The following MXI1 variants were observed in gnomAD, a reference collection of about 807,000 sequenced individuals.
MXI1 encodes the protein MAX interactor 1, dimerization protein.
A neutral mutation model predicts 36.9 loss-of-function variants in MXI1; 18 were observed. The ratio of observed to expected loss-of-function variants is 0.49; its 90% confidence interval spans 0.34 to 0.72. MXI1 has a LOEUF of 0.72. Ranked by LOEUF, MXI1 falls within the 30% of genes least tolerant of loss-of-function variation. The pLI is 0.01. For missense variants in MXI1, 304 were observed against 379.1 expected (o/e 0.80, Z 1.64); for synonymous variants, 160 against 146.7 (o/e 1.09, Z -0.65).
At chr10:110,243,172 T>G (rs905881354) in intron 2 of MXI1, among the ~76,000 whole-genome samples, 9 of 152,072 alleles carry the variant, frequency 5.9e-5, no homozygotes, top group African/African-American at 2.2e-4. Context: ...GTGGTTATAA[T>G]TTATTGAATT....
chr10:110,215,031 G>GTTTTTGTTTTTT (rs1854599034), intron 1 of MXI1, among the ~76,000 whole-genome samples: 1 of 98,150 alleles, frequency 1.0e-5, no homozygotes, highest in African/African-American at 5.4e-5. Context: ...CTCCACTTCA[G>GTTTTTGTTTTTT]TTTTTTTTTT....
chr10:110,213,779 C>G (rs1854563894), intron 1 of MXI1, among the ~76,000 whole-genome samples: 1 of 152,252 alleles, frequency 6.6e-6, no homozygotes, highest in Non-Finnish European at 1.5e-5. Context: ...CAGTCTCCCA[C>G]TGACACATCC....
At position 110,279,953 on chromosome 10, in the gene MXI1, G is replaced by C; in HGVS notation, c.592G>C (p.Glu198Gln). The change falls in exon 5 of 6, where the codon GAG (glutamate) becomes CAG (glutamine). Residue 198 changes from glutamate (E) to glutamine (Q), a missense_variant. This residue lies in a region of MXI1 where 125 missense variants were observed against 194.3 expected (regional missense o/e 0.64). Transcript: ENST00000332674. ...TGAAAGAAAAAGCCAGCACCAGCTCGAGAATTTGGAACGAGAACAGAGATT... is the reference window on the plus strand; with the variant it reads ...TGAAAGAAAAAGCCAGCACCAGCTCCAGAATTTGGAACGAGAACAGAGATT... ...EAERKSQHQL[E>Q]NLEREQRFLK... The C allele has an allele frequency of 1.2e-6, 2 of 1,611,658 alleles. No individual in the cohort carries two copies. The highest frequency in any genetic ancestry group is 1.7e-6 in the Non-Finnish European group (2 of 1,179,154).
chr10:110,228,342 A>G, intron 2 of MXI1, 21 bp downstream of exon 2: 1 of 1,613,946 alleles, frequency 6.2e-7, no homozygotes, highest in Non-Finnish European at 8.5e-7. Flanking sequence ...GGGAACGCTT[A>G]GAAGAGGGAA....
intron 1 of MXI1, among the ~76,000 whole-genome samples, chr10:110,215,043 G>GTTTTTTTT (rs200181611): frequency 2.5e-5 from 2 of 78,892 alleles, no homozygotes; most frequent in African/African-American, 6.0e-5. Flanking sequence ...TTTTTTTTTT[G>GTTTTTTTT]TTTTTTTTTT....
In MXI1 at chr10:110,286,075, C is replaced by T. The variant is rs1464453605; in HGVS notation, c.*1088C>T. On this transcript the variant is annotated 3_prime_UTR_variant, in exon 6 of 6. Coordinates refer to ENST00000332674, the MANE Select transcript of MXI1 (RefSeq NM_130439.3). The stretch of plus-strand genomic sequence containing the variant: ...TTATAGTGCACAAAATGAATGAGGT[C>T]TGGGCTAGGTAGAAAAAGGGTCAAT... 1 of 152,558 alleles carries T rather than the reference C, an allele frequency of 6.6e-6. No homozygotes were observed. The highest frequency in any genetic ancestry group is 1.5e-5 in the Non-Finnish European group (1 of 68,024). The allele number at this position is 152,558 out of a possible 1,614,324, so 9.5% of individuals were successfully genotyped here. A position where few individuals can be genotyped will look rare whatever the true frequency, so the allele number is the denominator to read the frequency against.
chr10:110,250,829 CAAAAA>C (rs113320766), intron 3 of MXI1, among the ~76,000 whole-genome samples: 1 of 101,692 alleles, frequency 9.8e-6, no homozygotes, highest in Non-Finnish European at 2.1e-5. Context: ...AAGACTTTGT[CAAAAA>C]AAAAAAAAAA....
At chr10:110,284,802 T>TTCC in intron 5 of MXI1, 22 bp from the exon 6 acceptor site, 1 of 1,110,500 alleles carries the variant, frequency 9.0e-7, no homozygotes, top group Non-Finnish European at 1.2e-6. Context: ...AATGTTCTTC[T>TTCC]TTTTTTTTTT....
intron 1 of MXI1, among the ~76,000 whole-genome samples, chr10:110,214,772 C>G (rs959719405): frequency 8.6e-5 from 13 of 151,864 alleles, no homozygotes; most frequent in African/African-American, 3.1e-4. Flanking sequence ...CCTGACACAC[C>G]TAACCCCCGA....
At chr10:110,225,864 G>C (rs768427769) in intron 1 of MXI1, 123 of 348,714 alleles carry the variant, frequency 3.5e-4, no homozygotes, top group Non-Finnish European at 4.8e-4. Context: ...GCCCTGAAAC[G>C]GCGTGTGCAC....
intron 3 of MXI1, among the ~76,000 whole-genome samples, chr10:110,251,494 G>A (rs1469092683): frequency 6.6e-6 from 1 of 151,994 alleles, no homozygotes; most frequent in Non-Finnish European, 1.5e-5. Context: ...TGTCTAGAAA[G>A]GTACACTAAT....
chr10:110,263,439 T>C (rs1389000856), intron 3 of MXI1, among the ~76,000 whole-genome samples: 2 of 152,216 alleles, frequency 1.3e-5, no homozygotes, highest in African/African-American at 4.8e-5. Flanking sequence ...AGTTGTACCA[T>C]GAGAAAATGC....
At chr10:110,284,785 G>T (rs1033239519) in intron 5 of MXI1, 39 bp from the exon 6 acceptor site, 11 of 1,525,076 alleles carry the variant, frequency 7.2e-6, no homozygotes, top group Non-Finnish European at 9.6e-6. Context: ...CGCTATACTC[G>T]ATAATTAATG....
At chr10:110,246,119 C>T (rs891205515) in intron 3 of MXI1, among the ~76,000 whole-genome samples, 3 of 151,884 alleles carry the variant, frequency 2.0e-5, no homozygotes, top group East Asian at 3.9e-4. Context: ...GCAAAGAGTT[C>T]GAGACCAGCC....
Position 110,207,937 on chromosome 10 carries a change from T to G in MXI1, c.129T>G (p.Ala43=), listed in dbSNP as rs1429769205. Residue 43 remains alanine, a synonymous_variant, in exon 1 of 6, where the codon GCT becomes GCG. Transcript: ENST00000332674. ...CCCCGGCCCTGCCCGAGGACCCCGC[T>G]GGGGCCAAGCCCAGGTGCCCCTTCT... ...PQPPALPEDP[A]GAKPRCPFSD... 1 of 1,567,504 alleles carries G rather than the reference T, an allele frequency of 6.4e-7. No individual in the cohort carries two copies. The highest frequency in any genetic ancestry group is 1.1e-5 in the South Asian group (1 of 87,072).
chr10:110,281,565 A>G (rs1857251886), intron 5 of MXI1, among the ~76,000 whole-genome samples: 1 of 152,238 alleles, frequency 6.6e-6, no homozygotes, highest in Non-Finnish European at 1.5e-5. Context: ...TGATTTCTAC[A>G]TAACATCTCA....
At chr10:110,215,189 T>C (rs1179606518) in intron 1 of MXI1, among the ~76,000 whole-genome samples, 1 of 151,870 alleles carries the variant, frequency 6.6e-6, no homozygotes, top group Non-Finnish European at 1.5e-5. Flanking sequence ...CTACAGGTGG[T>C]TGCCACCACG....
intron 3 of MXI1, chr10:110,257,894 G>GA (rs938761163): frequency 2.0e-3 from 458 of 232,926 alleles, no homozygotes; most frequent in South Asian, 3.9e-3. Context: ...AAACCCTCTG[G>GA]AAAAAAAAAT....
At chr10:110,269,693 G>A (rs1337922587) in intron 3 of MXI1, among the ~76,000 whole-genome samples, 1 of 152,188 alleles carries the variant, frequency 6.6e-6, no homozygotes, top group African/African-American at 2.4e-5. Context: ...TTGCCAGCAC[G>A]TAGGAAGTTT....
Sources: allele counts gnomAD v4.1 joint callset (sites outside exome capture counted in the v4.1 genomes callset), GRCh38; gene constraint gnomAD v4.1.1; regional missense constraint gnomAD v4.1.1; transcripts MANE v1.5; gene names NCBI Gene and HGNC (gene_info 2026-07-23, HGNC 2026-07-21).